Variants in NMT1 observed in about 807,000 individuals in gnomAD.
The protein encoded by NMT1 is N-myristoyltransferase 1.
NMT1 carries 12 observed loss-of-function variants against 63.4 expected under a neutral mutation model. That is an observed-to-expected ratio of 0.19 (90% CI 0.12 to 0.31). The LOEUF (loss-of-function observed/expected upper bound fraction) is 0.31, where lower values mean the gene tolerates loss of function less well. Among genes scored for constraint, NMT1 ranks in the 10% least tolerant of loss-of-function variants. NMT1 has a pLI of 1.00. For synonymous variants in NMT1, 228 were observed against 234.3 expected (o/e 0.97, Z 0.25); for missense variants, 432 against 634.6 (o/e 0.68, Z 3.43).
intron 4 of NMT1, among the ~76,000 whole-genome samples, chr17:45,094,753 G>A (rs2054112929): frequency 1.3e-5 from 2 of 148,792 alleles, no homozygotes; most frequent in South Asian, 2.1e-4. Context: ...GACCTCAGGT[G>A]ATCTGCCCAT....
chr17:45,094,112 T>C (rs1446970764), intron 4 of NMT1, among the ~76,000 whole-genome samples: 2 of 152,182 alleles, frequency 1.3e-5, no homozygotes, highest in African/African-American at 4.8e-5. Flanking sequence ...CAGCTGGGGC[T>C]GCTAAATGAG....
At chr17:45,092,021 G>A (rs763152038) in intron 3 of NMT1, among the ~76,000 whole-genome samples, 19 of 151,962 alleles carry the variant, frequency 1.3e-4, no homozygotes, top group Non-Finnish European at 2.4e-4. Flanking sequence ...ACCCCATCTC[G>A]CCAGTCATGA....
At chr17:45,084,374 G>A (rs1055526073) in intron 2 of NMT1, among the ~76,000 whole-genome samples, 1 of 140,318 alleles carries the variant, frequency 7.1e-6, no homozygotes, top group African/African-American at 2.7e-5. Flanking sequence ...TCGCTCTGTC[G>A]CCCAGGCTAG....
rs2054210791 is a variant in NMT1 at position 45,107,576 on chromosome 17, C to T, written c.*1937C>T. ...GACAACAGTTGCACAGTGCCTCAAG[C>T]CCCAGAGTGGCTCACCCTGTCCAGA... On this transcript the variant is annotated 3_prime_UTR_variant, in exon 12 of 12. Transcript: ENST00000258960. 1 of 152,634 alleles carries T rather than the reference C, an allele frequency of 6.6e-6. No homozygotes were observed. Among genetic ancestry groups the T allele is most frequent in the Non-Finnish European group, 1.5e-5 (1 of 68,054 alleles). 9.5% of individuals were successfully genotyped at this position (152,634 alleles called of 1,614,324 possible).
chr17:45,076,217 T>C (rs931877465), intron 1 of NMT1, among the ~76,000 whole-genome samples: 1 of 152,116 alleles, frequency 6.6e-6, no homozygotes, highest in Non-Finnish European at 1.5e-5. Context: ...GTTGGCTTGC[T>C]AGGATGCTTT....
chr17:45,085,013 TG>T (rs1222057358), intron 2 of NMT1, among the ~76,000 whole-genome samples: 2 of 151,902 alleles, frequency 1.3e-5, no homozygotes, highest in African/African-American at 4.8e-5. Flanking sequence ...TTTGGGAGGC[TG>T]AGTTGGGCAG....
In NMT1 at chr17:45,103,237, G is replaced by A; in HGVS notation, c.1164+116G>A. 1 of 1,003,290 alleles carries A rather than the reference G, an allele frequency of 1.0e-6. No individual in the cohort carries two copies. 62.1% of individuals were successfully genotyped at this position (1,003,290 alleles called of 1,614,324 possible). Reference sequence around the variant, plus strand: ...ACCTTAGACTTCCTTGACCATCCGTGTTTGGTCCTCCCTAAAAACAGGGAG... The same window carrying A: ...ACCTTAGACTTCCTTGACCATCCGTATTTGGTCCTCCCTAAAAACAGGGAG... On this transcript the variant is annotated intron_variant, in intron 9 of 11. Coordinates refer to ENST00000258960, the MANE Select transcript of NMT1 (RefSeq NM_021079.5). The surrounding 1 kb of genome is among the most constrained non-coding windows in gnomAD (Gnocchi z 4.8).
intron 1 of NMT1, 102 bp from the exon 2 acceptor site, chr17:45,081,542 G>A: frequency 9.7e-7 from 1 of 1,035,046 alleles, no homozygotes. Context: ...AAGCCAACAG[G>A]CTTGATTAAG....
In NMT1 at chr17:45,105,045, T is replaced by C. The variant is rs2054193830; in HGVS notation, c.1470+49T>C. 1.9e-6 allele frequency: 3 copies of C among 1,610,884 alleles called. No individual in the cohort carries two copies. The highest frequency in any genetic ancestry group is 2.5e-6 in the Non-Finnish European group (3 of 1,178,340). ...CAGGCTGCCCGGCCCAGGGTGTCCA[T>C]GTCTCCAGCAGAAACCGGGCCATGG... On this transcript the variant is annotated intron_variant, in intron 11 of 11. Transcript: ENST00000258960. This position sits in a 1 kb window ranked among gnomAD's most constrained non-coding sequence, Gnocchi z 4.2.
intron 8 of NMT1, among the ~76,000 whole-genome samples, chr17:45,101,895 C>T (rs2054169035): frequency 6.6e-6 from 1 of 152,318 alleles, no homozygotes; most frequent in African/African-American, 2.4e-5. Flanking sequence ...TATGTGTCTT[C>T]TCCCTTCTGT....
intron 4 of NMT1, among the ~76,000 whole-genome samples, chr17:45,095,482 T>C (rs2143508805): frequency 6.6e-6 from 1 of 152,260 alleles, no homozygotes; most frequent in East Asian, 1.9e-4. Flanking sequence ...CCTTTGTGGT[T>C]GGGTGTGGTG....
At position 45,104,077 on chromosome 17, in the gene NMT1, AT is replaced by A; in HGVS notation, c.1332+203del. On this transcript the variant is annotated intron_variant, in intron 10 of 11. Coordinates refer to ENST00000258960, the MANE Select transcript of NMT1 (RefSeq NM_021079.5). This position sits in a 1 kb window ranked among gnomAD's most constrained non-coding sequence, Gnocchi z 4.2. ...AACAAGGAGCATCCGAAGTGAAGGCATTGAACTCCTCCTGATTCATTTCAGT... is the reference window on the plus strand; with the variant it reads ...AACAAGGAGCATCCGAAGTGAAGGCATGAACTCCTCCTGATTCATTTCAGT... 2.7e-6 allele frequency: 4 copies of A among 1,502,826 alleles called. No homozygotes were observed. The highest frequency in any genetic ancestry group is 3.5e-6 in the Non-Finnish European group (4 of 1,128,506). The allele number at this position is 1,502,826 out of a possible 1,614,324, so 93.1% of individuals were successfully genotyped here.
intron 1 of NMT1, among the ~76,000 whole-genome samples, chr17:45,065,707 T>G (rs562393293): frequency 1.8e-4 from 28 of 152,136 alleles, no homozygotes; most frequent in African/African-American, 6.5e-4. Context: ...TTGTGTGCTT[T>G]CCACTGTGTT....
chr17:45,083,781 T>A (rs887647100), intron 2 of NMT1: 4 of 152,110 alleles, frequency 2.6e-5, no homozygotes, highest in African/African-American at 9.7e-5. Flanking sequence ...CCCAGCTAAT[T>A]TTTTTATTAT....
Position 45,104,254 on chromosome 17 carries a change from A to T in NMT1, c.1332+378A>T. The T allele has an allele frequency of 8.3e-7, 1 of 1,198,464 alleles. No homozygotes were observed. The highest frequency in any genetic ancestry group is 1.6e-5 in the South Asian group (1 of 62,324). 74.2% of individuals were successfully genotyped at this position (1,198,464 alleles called of 1,614,324 possible). On this transcript the variant is annotated intron_variant, in intron 10 of 11. Transcript: ENST00000258960. The surrounding 1 kb of genome is among the most constrained non-coding windows in gnomAD (Gnocchi z 4.2). Reference sequence around the variant, plus strand: ...GTCATTGGAGCATCCAACTGCCAGTAGCGGATGGCGAGCCCGTCTGTCAGT... The same window carrying T: ...GTCATTGGAGCATCCAACTGCCAGTTGCGGATGGCGAGCCCGTCTGTCAGT...
intron 2 of NMT1, among the ~76,000 whole-genome samples, chr17:45,085,500 T>C (rs1275261573): frequency 1.3e-5 from 2 of 152,194 alleles, no homozygotes; most frequent in African/African-American, 2.4e-5. Context: ...GGAACTTGTA[T>C]GCAAAAAAGT....
At chr17:45,068,574 G>A (rs184512416) in intron 1 of NMT1, among the ~76,000 whole-genome samples, 37 of 152,340 alleles carry the variant, frequency 2.4e-4, no homozygotes, top group African/African-American at 5.3e-4. Context: ...TTATTACTAC[G>A]TAGTGGGCAT....
chr17:45,069,064 G>A (rs9913787), intron 1 of NMT1, among the ~76,000 whole-genome samples: 38,436 of 151,590 alleles, frequency 0.25, 5,013 homozygotes, highest in South Asian at 0.33. Flanking sequence ...AGGTTCAAGC[G>A]ACTCTCCTGC....
chr17:45,089,332 A>C (rs2054073634), intron 3 of NMT1, among the ~76,000 whole-genome samples: 1 of 152,120 alleles, frequency 6.6e-6, no homozygotes, highest in Non-Finnish European at 1.5e-5. Context: ...AGAAACCTAC[A>C]AGTCTCTCTG....
Sources: allele counts gnomAD v4.1 joint callset (sites outside exome capture counted in the v4.1 genomes callset), GRCh38; gene constraint gnomAD v4.1.1; non-coding constraint Gnocchi (gnomAD v3.1); transcripts MANE v1.5; gene names NCBI Gene and HGNC (gene_info 2026-07-23, HGNC 2026-07-21).